AKR1C3: variants seen among roughly 807,000 people sequenced by gnomAD.
The protein encoded by AKR1C3 is aldo-keto reductase family 1 member C3, also known as 3-alpha hydroxysteroid dehydrogenase, type II.
A neutral mutation model predicts 43.6 loss-of-function variants in AKR1C3; 48 were observed. That is an observed-to-expected ratio of 1.10 (90% confidence interval 0.87 to 1.40). The LOEUF is 1.40. AKR1C3 is among the 40% of genes most tolerant of loss of function. AKR1C3 has a pLI of 0.00. For missense variants in AKR1C3, 482 were observed against 391.2 expected, an observed-to-expected ratio of 1.23 and a Z score of -1.96; for synonymous variants, 162 against 139.6, an observed-to-expected ratio of 1.16 and a Z score of -1.13.
chr10:5,060,982 C>T (rs1180186309), intron 1 of AKR1C3, among the ~76,000 whole-genome samples: 1 of 152,232 alleles, frequency 6.6e-6, no homozygotes. Context: ...CACGCTGGCC[C>T]ACAAGCGTGG....
At chr10:5,060,353 C>T (rs573505543) in intron 1 of AKR1C3, among the ~76,000 whole-genome samples, 1 of 152,290 alleles carries the variant, frequency 6.6e-6, no homozygotes, top group African/African-American at 2.4e-5. Flanking sequence ...GTCTGTTTTA[C>T]AGAGAGCTGA....
At chr10:5,106,188 C>A (rs782091581) in intron 8 of AKR1C3, among the ~76,000 whole-genome samples, 1 of 152,152 alleles carries the variant, frequency 6.6e-6, no homozygotes, top group Non-Finnish European at 1.5e-5. Flanking sequence ...TCCTCCTTCT[C>A]CTTGCATGTT....
chr10:5,086,527 TG>T (rs782812502), intron 1 of AKR1C3, among the ~76,000 whole-genome samples: 4 of 151,804 alleles, frequency 2.6e-5, no homozygotes, highest in Non-Finnish European at 5.9e-5. Context: ...AGGTGTGGTG[TG>T]GTGCTGAAAA....
chr10:5,084,508 C>T (rs548431720), intron 1 of AKR1C3, among the ~76,000 whole-genome samples: 2 of 152,134 alleles, frequency 1.3e-5, no homozygotes, highest in East Asian at 1.9e-4. Context: ...AGTCAGGTAG[C>T]ATGATGCCTC....
chr10:5,094,738 ACT>A (rs1839170498), intron 1 of AKR1C3, among the ~76,000 whole-genome samples: 1 of 152,066 alleles, frequency 6.6e-6, no homozygotes, highest in Admixed American at 6.6e-5. Flanking sequence ...TCGTTTGTGC[ACT>A]GTTTCTTTCT....
intron 1 of AKR1C3, among the ~76,000 whole-genome samples, chr10:5,075,861 C>G (rs2131810238): frequency 6.8e-6 from 1 of 147,758 alleles, no homozygotes; most frequent in East Asian, 2.0e-4. Flanking sequence ...GCAATAAGAG[C>G]AAAACTCCAT....
chr10:5,056,639 T>C (rs1838267538), intron 1 of AKR1C3, among the ~76,000 whole-genome samples: 1 of 152,134 alleles, frequency 6.6e-6, no homozygotes, highest in Non-Finnish European at 1.5e-5. Context: ...TGAGTGGGCA[T>C]TTTTCGCCCT....
At chr10:5,069,106 A>T (rs1554781082) in intron 1 of AKR1C3, among the ~76,000 whole-genome samples, 1 of 144,990 alleles carries the variant, frequency 6.9e-6, no homozygotes, top group Non-Finnish European at 1.5e-5. Context: ...TTATTATTAA[A>T]CCAATTTAAA....
At chr10:5,106,657 A>C (rs1415922994) in intron 8 of AKR1C3, among the ~76,000 whole-genome samples, 2 of 152,088 alleles carry the variant, frequency 1.3e-5, no homozygotes, top group Admixed American at 1.3e-4. Flanking sequence ...AGGCTGAGGC[A>C]GGAGAATCGC....
Position 5,107,556 on chromosome 10 carries a change from G to T in AKR1C3, c.*53G>T, listed in dbSNP as rs1804060. ...AGAAGCCCTGTGTGTGGATGGTGAC[G>T]CAGAGGACGTCTCTATGCCGGTGAC... On this transcript the variant is annotated 3_prime_UTR_variant, in exon 9 of 9. Coordinates refer to ENST00000380554, the MANE Select transcript of AKR1C3 (RefSeq NM_003739.6). 2 of 1,402,892 alleles carry T rather than the reference G, an allele frequency of 1.4e-6. No individual in the cohort carries two copies. Among genetic ancestry groups the T allele is most frequent in the Non-Finnish European group, 2.0e-6 (2 of 993,780 alleles). The allele number at this position is 1,402,892 out of a possible 1,614,324, so 86.9% of individuals were successfully genotyped here.
intron 1 of AKR1C3, among the ~76,000 whole-genome samples, chr10:5,078,159 C>T (rs946555216): frequency 6.6e-5 from 10 of 152,238 alleles, no homozygotes; most frequent in Non-Finnish European, 1.3e-4. Context: ...TGCGGTGGCT[C>T]ATGCCTTTAA....
chr10:5,069,567 C>T (rs782163125), intron 1 of AKR1C3, among the ~76,000 whole-genome samples: 4 of 152,174 alleles, frequency 2.6e-5, no homozygotes, highest in African/African-American at 9.6e-5. Flanking sequence ...AAAACTTAAG[C>T]GAAACCCTAA....
intron 7 of AKR1C3, among the ~76,000 whole-genome samples, chr10:5,104,015 C>T (rs1408752312): frequency 2.0e-5 from 3 of 151,966 alleles, no homozygotes; most frequent in South Asian, 2.1e-4. Flanking sequence ...GGGTATTAAT[C>T]GTTTAGAGAT....
intron 5 of AKR1C3, 81 bp downstream of exon 5, chr10:5,099,530 T>A: frequency 6.3e-7 from 1 of 1,593,654 alleles, no homozygotes. Context: ...GTTTGTTTTG[T>A]CCCAGTTATC....
intron 1 of AKR1C3, among the ~76,000 whole-genome samples, chr10:5,068,079 T>A (rs1554780947): frequency 6.6e-6 from 1 of 152,220 alleles, no homozygotes; most frequent in African/African-American, 2.4e-5. Context: ...TGACAAAGTA[T>A]TTTCTTGGTA....
At chr10:5,084,952 G>T in intron 1 of AKR1C3, among the ~76,000 whole-genome samples, 1 of 152,126 alleles carries the variant, frequency 6.6e-6, no homozygotes, top group East Asian at 1.9e-4. Flanking sequence ...TGCTGAAGTT[G>T]CTTATCAGCT....
At chr10:5,097,931 A>G (rs1839249290) in intron 3 of AKR1C3, 2 of 1,042,108 alleles carry the variant, frequency 1.9e-6, no homozygotes, top group Non-Finnish European at 2.3e-6. Flanking sequence ...AGTTTCCACC[A>G]TCTCTCCCCA....
At position 5,105,729 on chromosome 10, in the gene AKR1C3, T is replaced by G. The variant is rs587666424; in HGVS notation, c.929+52T>G. The G allele has an allele frequency of 5.6e-5, 81 of 1,434,404 alleles. 1 individual carries two copies. The South Asian group carries it at 8.7e-4, about 15-fold the overall frequency. 88.9% of individuals were successfully genotyped at this position (1,434,404 alleles called of 1,614,324 possible). The stretch of plus-strand genomic sequence containing the variant: ...CTAATTTATTTCTGGAGAAGGAATG[T>G]AGGATGGGTGTTGAGAGTGACCTCC... On this transcript the variant is annotated intron_variant, in intron 8 of 8. Coordinates refer to ENST00000380554, the MANE Select transcript of AKR1C3 (RefSeq NM_003739.6).
At chr10:5,098,357 G>C (rs1554785480) in intron 3 of AKR1C3, among the ~76,000 whole-genome samples, 2 of 152,018 alleles carry the variant, frequency 1.3e-5, no homozygotes, top group African/African-American at 2.4e-5. Flanking sequence ...AACTCCTCTG[G>C]GTCTCCCAAC....
Sources: allele counts gnomAD v4.1 joint callset (sites outside exome capture counted in the v4.1 genomes callset), GRCh38; gene constraint gnomAD v4.1.1; transcripts MANE v1.5; gene names NCBI Gene and HGNC (gene_info 2026-07-23, HGNC 2026-07-21).